OR6T1: variants seen among roughly 807,000 people sequenced by gnomAD.
OR6T1 encodes olfactory receptor family 6 subfamily T member 1.
For missense variants in OR6T1, 389 were observed against 390.5 expected, an observed-to-expected ratio of 1.00 and a Z score of 0.03; for synonymous variants, 179 against 159.1, an observed-to-expected ratio of 1.13 and a Z score of -0.94.
chr11:123,943,387 G>A lies in OR6T1; in HGVS notation c.452C>T (p.Ala151Val), dbSNP rs1372789684. 6.2e-7 allele frequency: 1 copy of A among 1,614,204 alleles called. No individual in the cohort carries two copies. The highest frequency in any genetic ancestry group is 8.5e-7 in the Non-Finnish European group (1 of 1,180,044). The change falls in exon 1 of 1, where the codon GCT (alanine) becomes GTT (valine). Residue 151 changes from alanine to valine, a missense_variant. Ala to Val is a moderately conservative substitution (Grantham distance 64). Coordinates refer to ENST00000321252, the MANE Select transcript of OR6T1 (RefSeq NM_001005187.1). Reference sequence around the variant, plus strand: ...GGGGCAAAGGACCCAGAGGAATCCAGCTAGCCAGGAGGCCAGCACTAGTTG... The same window carrying A: ...GGGGCAAAGGACCCAGAGGAATCCAACTAGCCAGGAGGCCAGCACTAGTTG... Reference protein sequence around the residue: ...CSQLVLASWLAGFLWVLCPTV... With the variant: ...CSQLVLASWLVGFLWVLCPTV...
chr11:123,943,095 C>A lies in OR6T1; in HGVS notation c.744G>T (p.Val248=), dbSNP rs773741190. ...AGATGGAACTGCCATAGATGATGAC[C>A]ACCACTGTAAGATGCGAGGCGCAAG... ...FSTCASHLTV[V]VIIYGSSIFL... The change falls in exon 1 of 1, where the codon GTG becomes GTT. Residue 248 remains valine (V), a synonymous_variant. Transcript: ENST00000321252. 39 of 1,614,100 alleles carry A rather than the reference C, an allele frequency of 2.4e-5. No individual in the cohort carries two copies. The highest frequency in any genetic ancestry group is 3.1e-5 in the Non-Finnish European group (36 of 1,180,040).
In OR6T1 at chr11:123,943,118, A is replaced by C; in HGVS notation, c.721T>G (p.Cys241Gly). 1 of 1,614,216 alleles carries C rather than the reference A, an allele frequency of 6.2e-7. No individual in the cohort carries two copies. Among genetic ancestry groups the C allele is most frequent in the Non-Finnish European group, 8.5e-7 (1 of 1,180,038 alleles). Residue 241 changes from cysteine to glycine, a missense_variant, in exon 1 of 1, where the codon TGC becomes GGC. Transcript: ENST00000321252. ...ACCACCACTGTAAGATGCGAGGCGC[A>C]AGTGGAAAACGCTTTCCTTCGCTCA... is the stretch of plus-strand genomic sequence containing the variant. Reference protein sequence around the residue: ...AAERRKAFSTCASHLTVVVII... With the variant: ...AAERRKAFSTGASHLTVVVII...
rs1281720606 is a variant in OR6T1 at position 123,943,259 on chromosome 11, G to A, written c.580C>T (p.Leu194=). 1.2e-6 allele frequency: 2 copies of A among 1,614,218 alleles called. No individual in the cohort carries two copies. Among genetic ancestry groups the A allele is most frequent in the African/African-American group, 1.3e-5 (1 of 75,064 alleles). ...LLRLSCGDTH[L]LKLVAFMLST... ...AGCATGAAAGCCACCAGTTTCAGCA[G>A]GTGGGTGTCCCCACAAGAAAGCCTG... The change falls in exon 1 of 1, where the codon CTG becomes TTG. Residue 194 remains leucine (L), a synonymous_variant. Coordinates refer to ENST00000321252, the MANE Select transcript of OR6T1 (RefSeq NM_001005187.1).
chr11:123,943,322 C>A lies in OR6T1; in HGVS notation c.517G>T (p.Gly173Cys). 1 of 1,614,118 alleles carries A rather than the reference C, an allele frequency of 6.2e-7. No homozygotes were observed. The highest frequency in any genetic ancestry group is 8.5e-7 in the Non-Finnish European group (1 of 1,180,026). ...MASLPFCGPN[G>C]IDHFFRDSWP... ...CTGTCACGAAAGAAGTGGTCAATAC[C>A]ATTGGGGCCACAGAAAGGCAGGCTG... The change falls in exon 1 of 1, where the codon GGT becomes TGT. Residue 173 changes from glycine (G) to cysteine (C), a missense_variant. Transcript: ENST00000321252.
rs747814670 is a variant in OR6T1 at position 123,943,037 on chromosome 11, T to G, written c.802A>C (p.Lys268Gln). The change falls in exon 1 of 1, where the codon AAA becomes CAA. Residue 268 changes from lysine (K) to glutamine (Q), a missense_variant. Coordinates refer to ENST00000321252, the MANE Select transcript of OR6T1 (RefSeq NM_001005187.1). ...ACGGAGGCACCTTTGTTGAGCAGTT[T>G]GGACTGAGCCTCTGACATACGAATG... ...LYIRMSEAQS[K>Q]LLNKGASVLS... The G allele has an allele frequency of 1.9e-6, 3 of 1,614,122 alleles. No homozygotes were observed. In the Admixed American group the frequency reaches 5.0e-5, roughly 27 times the overall value.
In OR6T1 at chr11:123,943,578, C is replaced by T. The variant is rs751839882; in HGVS notation, c.261G>A (p.Thr87=). 41 of 1,614,054 alleles carry T rather than the reference C, an allele frequency of 2.5e-5. No individual in the cohort carries two copies. The highest frequency in any genetic ancestry group is 9.9e-5 in the South Asian group (9 of 91,086). ...VVPKMLVVIL[T]GDHTISFVSC... is the part of the protein sequence containing the mutation. ...TGACAAATGAGATGGTGTGATCCCC[C>T]GTGAGGATGACGACAAGCATCTTGG... is the stretch of plus-strand genomic sequence containing the variant. The change falls in exon 1 of 1, where the codon ACG becomes ACA. Residue 87 remains threonine (T), a synonymous_variant. Coordinates refer to ENST00000321252, the MANE Select transcript of OR6T1 (RefSeq NM_001005187.1).
Position 123,943,120 on chromosome 11 carries a change from G to C in OR6T1, c.719C>G (p.Thr240Ser). ...CACCACTGTAAGATGCGAGGCGCAA[G>C]TGGAAAACGCTTTCCTTCGCTCAGC... ...TAAERRKAFS[T>S]CASHLTVVVI... The change falls in exon 1 of 1, where the codon ACT becomes AGT. Residue 240 changes from threonine (T) to serine (S), a missense_variant. Transcript: ENST00000321252. The C allele has an allele frequency of 1.9e-6, 3 of 1,614,234 alleles. No individual in the cohort carries two copies. Among genetic ancestry groups the C allele is most frequent in the Non-Finnish European group, 2.5e-6 (3 of 1,180,038 alleles).
chr11:123,943,758 C>T lies in OR6T1; in HGVS notation c.81G>A (p.Val27=), dbSNP rs764787533. 1 of 1,614,052 alleles carries T rather than the reference C, an allele frequency of 6.2e-7. No homozygotes were observed. Among genetic ancestry groups the T allele is most frequent in the Non-Finnish European group, 8.5e-7 (1 of 1,180,010 alleles). ...TGTAGGTCACCATTAACCCCAGGAA[C>T]ACCAGGAACTGTATGAGGTGGCTAC... ...FPSSHLIQFL[V]FLGLMVTYIV... is the part of the protein sequence containing the mutation. Residue 27 remains valine (V), a synonymous_variant, in exon 1 of 1, where the codon GTG becomes GTA. Transcript: ENST00000321252.
In OR6T1 at chr11:123,943,769, G is replaced by C; in HGVS notation, c.70C>G (p.Gln24Glu). The C allele has an allele frequency of 6.2e-7, 1 of 1,614,054 alleles. No individual in the cohort carries two copies. Among genetic ancestry groups the C allele is most frequent in the East Asian group, 2.2e-5 (1 of 44,880 alleles). ...ATTAACCCCAGGAACACCAGGAACTGTATGAGGTGGCTACTGGGGAAACCC... is the reference window on the plus strand; with the variant it reads ...ATTAACCCCAGGAACACCAGGAACTCTATGAGGTGGCTACTGGGGAAACCC... Reference protein sequence around the residue: ...LLGFPSSHLIQFLVFLGLMVT... With the variant: ...LLGFPSSHLIEFLVFLGLMVT... Residue 24 changes from glutamine (Q) to glutamate (E), a missense_variant, in exon 1 of 1, where the codon CAG becomes GAG. By Grantham distance (29) the Gln-to-Glu change is conservative (BLOSUM62 2). Transcript: ENST00000321252.
chr11:123,943,642 A>G lies in OR6T1; in HGVS notation c.197T>C (p.Phe66Ser). The G allele has an allele frequency of 6.2e-7, 1 of 1,614,206 alleles. No homozygotes were observed. Among genetic ancestry groups the G allele is most frequent in the Non-Finnish European group, 8.5e-7 (1 of 1,180,024 alleles). Residue 66 changes from phenylalanine (F) to serine (S), a missense_variant, in exon 1 of 1, where the codon TTC (phenylalanine) becomes TCC (serine). Physicochemically the swap from Phe to Ser is radical, Grantham distance 155. Coordinates refer to ENST00000321252, the MANE Select transcript of OR6T1 (RefSeq NM_001005187.1). ...TACCAGCAACAGCTCCAGGAAGGAG[A>G]AATTCCGCAGGAAGAAGTACATCTG... is the stretch of plus-strand genomic sequence containing the variant. ...HIQMYFFLRN[F>S]SFLELLLVTV...
chr11:123,943,384 C>A lies in OR6T1; in HGVS notation c.455G>T (p.Gly152Val), dbSNP rs747655306. The part of the protein sequence containing the change: ...SQLVLASWLA[G>V]FLWVLCPTVL... ...AGTGGGGCAAAGGACCCAGAGGAAT[C>A]CAGCTAGCCAGGAGGCCAGCACTAG... The change falls in exon 1 of 1, where the codon GGA becomes GTA. Residue 152 changes from glycine to valine, a missense_variant. Coordinates refer to ENST00000321252, the MANE Select transcript of OR6T1 (RefSeq NM_001005187.1). 1.2e-5 allele frequency: 20 copies of A among 1,614,080 alleles called. No individual in the cohort carries two copies. The highest frequency in any genetic ancestry group is 1.7e-5 in the Non-Finnish European group (20 of 1,180,042).
rs6590021 is a variant in OR6T1 at position 123,943,649 on chromosome 11, G to A, written c.190C>T (p.Arg64Trp). ...RLHIQMYFFL[R>W]NFSFLELLLV... ...AACAGCTCCAGGAAGGAGAAATTCC[G>A]CAGGAAGAAGTACATCTGTATGTGC... Residue 64 changes from arginine (R) to tryptophan (W), a missense_variant, in exon 1 of 1, where the codon CGG (arginine) becomes TGG (tryptophan). Arg to Trp is a moderately radical substitution (Grantham distance 101, BLOSUM62 -3). Transcript: ENST00000321252. The A allele has an allele frequency of 0.018, 29,767 of 1,614,120 alleles. 1,748 individuals carry two copies. The highest frequency in any genetic ancestry group is 0.17 in the Admixed American group (10,022 of 60,020).
At position 123,943,802 on chromosome 11, in the gene OR6T1, C is replaced by A. The variant is rs1191838383; in HGVS notation, c.37G>T (p.Val13Phe). The change falls in exon 1 of 1, where the codon GTC becomes TTC. Residue 13 changes from valine to phenylalanine, a missense_variant. Physicochemically the swap from Val to Phe is conservative, Grantham distance 50. Transcript: ENST00000321252. ...TGGCTACTGGGGAAACCCAGAAGGA[C>A]AAAGCTTGTTACCTGAGTCCAGTTT... Reference protein sequence around the residue: ...PENWTQVTSFVLLGFPSSHLI... With the variant: ...PENWTQVTSFFLLGFPSSHLI... 6 of 1,613,870 alleles carry A rather than the reference C, an allele frequency of 3.7e-6. No individual in the cohort carries two copies. Among genetic ancestry groups the A allele is most frequent in the African/African-American group, 1.3e-5 (1 of 75,046 alleles).
chr11:123,943,344 G>A lies in OR6T1; in HGVS notation c.495C>T (p.Ser165=), dbSNP rs757490052. The change falls in exon 1 of 1, where the codon AGC becomes AGT. Residue 165 remains serine (S), a synonymous_variant. Coordinates refer to ENST00000321252, the MANE Select transcript of OR6T1 (RefSeq NM_001005187.1). ...TACCATTGGGGCCACAGAAAGGCAG[G>A]CTGGCCATGAGGACAGTGGGGCAAA... ...WVLCPTVLMA[S]LPFCGPNGID... is the part of the protein sequence containing the mutation. 1 of 1,614,190 alleles carries A rather than the reference G, an allele frequency of 6.2e-7. No homozygotes were observed. Among genetic ancestry groups the A allele is most frequent in the South Asian group, 1.1e-5 (1 of 91,084 alleles).
rs778131100 is a variant in OR6T1 at position 123,943,200 on chromosome 11, C to T, written c.639G>A (p.Leu213=). 1.9e-6 allele frequency: 3 copies of T among 1,614,168 alleles called. No individual in the cohort carries two copies. Among genetic ancestry groups the T allele is most frequent in the Admixed American group, 3.3e-5 (2 of 60,018 alleles). The change falls in exon 1 of 1, where the codon CTG becomes CTA. Residue 213 remains leucine (L), a synonymous_variant. Coordinates refer to ENST00000321252, the MANE Select transcript of OR6T1 (RefSeq NM_001005187.1). ...GAATGCAGGCATAGGAAACTGAGGT[C>T]AGAGCCAGTGAGCCCAGTAACACCA... The part of the protein sequence containing the change: ...STLVLLGSLA[L]TSVSYACILA...
rs776146290 is a variant in OR6T1 at position 123,943,282 on chromosome 11, C to G, written c.557G>C (p.Arg186Thr). 1 of 1,614,116 alleles carries G rather than the reference C, an allele frequency of 6.2e-7. No individual in the cohort carries two copies. Among genetic ancestry groups the G allele is most frequent in the Non-Finnish European group, 8.5e-7 (1 of 1,180,014 alleles). ...CAGGTGGGTGTCCCCACAAGAAAGC[C>G]TGAGCAAGGGCCAACTGTCACGAAA... ...HFFRDSWPLLRLSCGDTHLLK... is the reference protein window; with the variant it reads ...HFFRDSWPLLTLSCGDTHLLK... The change falls in exon 1 of 1, where the codon AGG (arginine) becomes ACG (threonine). Residue 186 changes from arginine (R) to threonine (T), a missense_variant. By Grantham distance (71) the Arg-to-Thr change is moderately conservative. Coordinates refer to ENST00000321252, the MANE Select transcript of OR6T1 (RefSeq NM_001005187.1).
rs1322027956 is a variant in OR6T1 at position 123,943,315 on chromosome 11, T to G, written c.524A>C (p.Asp175Ala). The G allele has an allele frequency of 1.7e-5, 27 of 1,614,068 alleles. No homozygotes were observed. The highest frequency in any genetic ancestry group is 2.3e-5 in the Non-Finnish European group (27 of 1,180,000). ...GGGCCAACTGTCACGAAAGAAGTGGTCAATACCATTGGGGCCACAGAAAGG... is the reference window on the plus strand; with the variant it reads ...GGGCCAACTGTCACGAAAGAAGTGGGCAATACCATTGGGGCCACAGAAAGG... ...SLPFCGPNGIDHFFRDSWPLL... is the reference protein window; with the variant it reads ...SLPFCGPNGIAHFFRDSWPLL... The change falls in exon 1 of 1, where the codon GAC becomes GCC. Residue 175 changes from aspartate to alanine, a missense_variant. Physicochemically the swap from Asp to Ala is moderately radical, Grantham distance 126. Transcript: ENST00000321252.
In OR6T1 at chr11:123,943,435, A is replaced by G. The variant is rs1188162075; in HGVS notation, c.404T>C (p.Leu135Pro). The G allele has an allele frequency of 1.2e-6, 2 of 1,614,176 alleles. No homozygotes were observed. The highest frequency in any genetic ancestry group is 1.7e-6 in the Non-Finnish European group (2 of 1,180,024). ...TTGGGAACAGACATGGCCATTCATC[A>G]GGGTCTCATAGCGGAGTGGTCGGCA... ...AICRPLRYETLMNGHVCSQLV... is the reference protein window; with the variant it reads ...AICRPLRYETPMNGHVCSQLV... Residue 135 changes from leucine to proline, a missense_variant, in exon 1 of 1, where the codon CTG becomes CCG. Physicochemically the swap from Leu to Pro is moderately conservative, Grantham distance 98. Coordinates refer to ENST00000321252, the MANE Select transcript of OR6T1 (RefSeq NM_001005187.1).
chr11:123,942,989 G>A lies in OR6T1; in HGVS notation c.850C>T (p.Leu284Phe), dbSNP rs772111142. The A allele has an allele frequency of 8.1e-6, 13 of 1,614,192 alleles. No individual in the cohort carries two copies. The highest frequency in any genetic ancestry group is 1.7e-5 in the Admixed American group (1 of 60,032). ...ASVLSCIITP[L>F]LNPFIFTLRN... ...AGAGTGAAGATGAATGGGTTCAAGA[G>A]GGGTGTGATGATGCAGCTCAGGACG... Residue 284 changes from leucine to phenylalanine, a missense_variant, in exon 1 of 1, where the codon CTC (leucine) becomes TTC (phenylalanine). Physicochemically the swap from Leu to Phe is conservative, Grantham distance 22. Transcript: ENST00000321252.
Sources: allele counts gnomAD v4.1 joint callset, GRCh38; gene constraint gnomAD v4.1.1; transcripts MANE v1.5; gene names NCBI Gene and HGNC (gene_info 2026-07-23, HGNC 2026-07-21).